APC: variants seen among roughly 807,000 people sequenced by gnomAD.
APC encodes the protein APC regulator of Wnt signaling pathway, also known as adenomatous polyposis coli protein.
A neutral mutation model predicts 247.0 loss-of-function variants in APC; 72 were observed. The ratio of observed to expected loss-of-function variants is 0.29; its 90% CI spans 0.24 to 0.35. APC has a LOEUF of 0.35. Among genes scored for constraint, APC ranks in the 10% least tolerant of loss-of-function variants. The probability of loss-of-function intolerance (pLI) is 1.00; values close to 1 mark genes in which losing one functional copy is unlikely to be tolerated. For synonymous variants in APC, 1,254 were observed against 1,162.5 expected, an observed-to-expected ratio of 1.08 and a Z score of -1.60; for missense variants, 3,400 against 3,360.7, an observed-to-expected ratio of 1.01 and a Z score of -0.29.
chr5:112,760,375 C>T (rs1420502808), intron 2 of APC, among the ~76,000 whole-genome samples: 3 of 152,130 alleles, frequency 2.0e-5, no homozygotes, highest in Non-Finnish European at 4.4e-5. Context: ...TGTTAGCAGG[C>T]GAAGTCCTGC....
chr5:112,828,821 A>G (rs369829789), intron 13 of APC, 35 bp from the exon 14 acceptor site: 1 of 1,434,096 alleles, frequency 7.0e-7, no homozygotes, highest in Non-Finnish European at 9.8e-7. Context: ...GTATGATTTT[A>G]TGTATAAATT....
intron 8 of APC, among the ~76,000 whole-genome samples, chr5:112,807,829 G>T (rs2149734347): frequency 6.6e-6 from 1 of 152,094 alleles, no homozygotes; most frequent in South Asian, 2.1e-4. Context: ...CTGTTTCACT[G>T]TGTATTTACA....
chr5:112,829,925 A>G (rs996193583), intron 14 of APC: 1 of 152,112 alleles, frequency 6.6e-6, no homozygotes, highest in Admixed American at 6.5e-5. Context: ...TGCTTCAGAA[A>G]CTAGGCTAAA....
chr5:112,811,519 C>T (rs1411144821), intron 8 of APC, among the ~76,000 whole-genome samples: 1 of 152,142 alleles, frequency 6.6e-6, no homozygotes, highest in Non-Finnish European at 1.5e-5. Flanking sequence ...GTATGTGTAC[C>T]TCTTGGTATC....
intron 2 of APC, among the ~76,000 whole-genome samples, chr5:112,763,019 AACACATC>A (rs1359343592): frequency 6.6e-6 from 1 of 152,240 alleles, no homozygotes; most frequent in Admixed American, 6.5e-5. Flanking sequence ...AAAGTAATTT[AACACATC>A]ATTGGAGTAA....
chr5:112,739,854 C>T (rs1285527974), intron 1 of APC, among the ~76,000 whole-genome samples: 1 of 152,158 alleles, frequency 6.6e-6, no homozygotes, highest in East Asian at 1.9e-4. Flanking sequence ...GTCTATAAAA[C>T]TATTATTTTT....
upstream of APC, among the ~76,000 whole-genome samples, chr5:112,734,382 T>A (rs375314650): frequency 1.1e-4 from 16 of 152,362 alleles, no homozygotes; most frequent in Admixed American, 7.8e-4. Flanking sequence ...AACTTATCTC[T>A]TCTTAGGCTT....
At chr5:112,797,519 A>G (rs1760340672) in intron 7 of APC, among the ~76,000 whole-genome samples, 3 of 152,194 alleles carry the variant, frequency 2.0e-5, no homozygotes, top group Non-Finnish European at 4.4e-5. Flanking sequence ...ATTTAAGTCT[A>G]CTAATTATTA....
intron 1 of APC, among the ~76,000 whole-genome samples, chr5:112,713,917 C>G (rs1053778713): frequency 5.9e-5 from 9 of 152,308 alleles, no homozygotes; most frequent in African/African-American, 2.2e-4. Context: ...CTTGGCATCC[C>G]AAAGTGCTGG....
At position 112,840,896 on chromosome 5, in the gene APC, A is replaced by G. The variant is rs199630012; in HGVS notation, c.5302A>G (p.Lys1768Glu). The change falls in exon 16 of 16, where the codon AAG becomes GAG. Residue 1768 changes from lysine (K) to glutamate (E), a missense_variant. By Grantham distance (56) the Lys-to-Glu change is moderately conservative. Transcript: ENST00000257430. This position sits in a 1 kb window ranked among gnomAD's most constrained non-coding sequence, Gnocchi z 4.1. ...ACCCAACAAAAATCAGTTAGATGGTAAGAAAAAGAAACCAACTTCACCAGT... is the reference window on the plus strand; with the variant it reads ...ACCCAACAAAAATCAGTTAGATGGTGAGAAAAAGAAACCAACTTCACCAGT... The part of the protein sequence containing the change: ...SAPNKNQLDG[K>E]KKKPTSPVKP... 31 of 1,613,680 alleles carry G rather than the reference A, an allele frequency of 1.9e-5. No homozygotes were observed. Among genetic ancestry groups the G allele is most frequent in the Non-Finnish European group, 2.5e-5 (30 of 1,179,664 alleles).
At chr5:112,753,447 C>G (rs1754601227) in intron 1 of APC, among the ~76,000 whole-genome samples, 1 of 152,060 alleles carries the variant, frequency 6.6e-6, no homozygotes, top group Admixed American at 6.5e-5. Flanking sequence ...CTAATAATAT[C>G]ACTGTAAGTT....
intron 2 of APC, among the ~76,000 whole-genome samples, chr5:112,755,867 A>T (rs1581124730): frequency 6.6e-6 from 1 of 151,852 alleles, no homozygotes; most frequent in East Asian, 1.9e-4. Flanking sequence ...CCCAGCTCTT[A>T]GTGAGGCAGA....
At chr5:112,795,545 C>G (rs541345839) in intron 7 of APC, among the ~76,000 whole-genome samples, 1 of 152,324 alleles carries the variant, frequency 6.6e-6, no homozygotes, top group South Asian at 2.1e-4. Context: ...TTTTTGCTAT[C>G]TGGTGGCCTA....
intron 4 of APC, among the ~76,000 whole-genome samples, chr5:112,773,402 A>G (rs1757270690): frequency 1.3e-5 from 2 of 152,186 alleles, no homozygotes; most frequent in Admixed American, 6.5e-5. Context: ...AAAATTTTCT[A>G]CATGGCAAAA....
intron 9 of APC, among the ~76,000 whole-genome samples, chr5:112,817,979 T>C (rs1016973622): frequency 6.6e-6 from 1 of 152,206 alleles, no homozygotes; most frequent in Non-Finnish European, 1.5e-5. Flanking sequence ...TAAAGCAGCA[T>C]TTCTAAACCT....
chr5:112,793,657 A>T (rs1759889782), intron 7 of APC, among the ~76,000 whole-genome samples: 1 of 152,212 alleles, frequency 6.6e-6, no homozygotes, highest in Non-Finnish European at 1.5e-5. Context: ...AGTATAGATC[A>T]TTCTAGGAAG....
intron 1 of APC, among the ~76,000 whole-genome samples, chr5:112,749,813 AG>A (rs1385338739): frequency 6.6e-6 from 1 of 150,794 alleles, no homozygotes; most frequent in Non-Finnish European, 1.5e-5. Context: ...AGAACTATTA[AG>A]GTTTTTCTGT....
At chr5:112,807,662 A>T (rs558117679) in intron 8 of APC, among the ~76,000 whole-genome samples, 2 of 152,056 alleles carry the variant, frequency 1.3e-5, no homozygotes, top group East Asian at 3.9e-4. Flanking sequence ...AGAAAAACCC[A>T]CTCTACTGCC....
chr5:112,833,203 G>A (rs1764493636), intron 14 of APC, among the ~76,000 whole-genome samples: 2 of 129,582 alleles, frequency 1.5e-5, no homozygotes, highest in Admixed American at 8.6e-5. Flanking sequence ...TTTTTTTTGA[G>A]ACCGAGTCTC....
Sources: gnomAD v4.1 joint callset for allele counts (sites outside exome capture counted in the v4.1 genomes callset) on GRCh38, gnomAD v4.1.1 for gene constraint, Gnocchi (gnomAD v3.1) non-coding constraint, MANE v1.5 for transcripts, NCBI Gene and HGNC (gene_info 2026-07-23, HGNC 2026-07-21) for gene names.